The following FERMT2 variants were observed in gnomAD, a reference collection of about 807,000 sequenced individuals.
The protein encoded by FERMT2 is fermitin family homolog 2.
A neutral mutation model predicts 82.7 loss-of-function variants in FERMT2; 15 were observed. That is an observed-to-expected ratio of 0.18 (90% CI 0.12 to 0.28). The LOEUF (loss-of-function observed/expected upper bound fraction) is 0.28. FERMT2 is among the 10% of genes least tolerant of loss of function. The probability of loss-of-function intolerance (pLI) is 1.00; values close to 1 mark genes in which losing one functional copy is unlikely to be tolerated. For synonymous variants in FERMT2, 274 were observed against 271.5 expected, an observed-to-expected ratio of 1.01 and a Z score of -0.09; for missense variants, 645 against 809.4, an observed-to-expected ratio of 0.80 and a Z score of 2.46.
At chr14:52,896,891 G>A (rs1887286866) in intron 3 of FERMT2, among the ~76,000 whole-genome samples, 1 of 151,790 alleles carries the variant, frequency 6.6e-6, no homozygotes, top group South Asian at 2.1e-4. Flanking sequence ...AGCTACTCAG[G>A]AGGCTGAGGT....
intron 3 of FERMT2, among the ~76,000 whole-genome samples, chr14:52,907,013 TA>T (rs59646316): frequency 0.018 from 2,577 of 139,340 alleles, 77 homozygotes; most frequent in African/African-American, 0.064. Flanking sequence ...AAGGCAAAAT[TA>T]AAAAAAAAAT....
chr14:52,881,035 C>T lies in FERMT2; in HGVS notation c.855+1G>A. On this transcript the variant is annotated splice_donor_variant, in intron 6 of 14. Transcript: ENST00000341590. LOFTEE classifies it high-confidence loss of function. ...AAAAGATCCCTTTAAACCCTCGGTA[C>T]CTTTGGATTCAAATCAAAAAAGCTG... is the stretch of plus-strand genomic sequence containing the variant. 1.3e-6 allele frequency: 2 copies of T among 1,595,468 alleles called. No individual in the cohort carries two copies. The highest frequency in any genetic ancestry group is 1.7e-6 in the Non-Finnish European group (2 of 1,166,198).
At chr14:52,912,778 G>C (rs1003211509) in intron 3 of FERMT2, among the ~76,000 whole-genome samples, 1 of 152,104 alleles carries the variant, frequency 6.6e-6, no homozygotes, top group Non-Finnish European at 1.5e-5. Context: ...CCAAAGCGCT[G>C]GGATTACAGG....
chr14:52,912,937 CA>C (rs1277786645), intron 3 of FERMT2, among the ~76,000 whole-genome samples: 1 of 151,976 alleles, frequency 6.6e-6, no homozygotes, highest in Non-Finnish European at 1.5e-5. Flanking sequence ...GCTGAGAATA[CA>C]AAGATGGAAA....
chr14:52,921,754 A>C (rs1285626751), intron 2 of FERMT2, among the ~76,000 whole-genome samples: 1 of 152,226 alleles, frequency 6.6e-6, no homozygotes, highest in Non-Finnish European at 1.5e-5. Flanking sequence ...GGGGAAAAAA[A>C]AAAGTTTTAG....
chr14:52,947,943 C>T (rs1306793221), intron 2 of FERMT2, among the ~76,000 whole-genome samples: 1 of 152,168 alleles, frequency 6.6e-6, no homozygotes, highest in Non-Finnish European at 1.5e-5. Flanking sequence ...AAATATAATG[C>T]TTTTGGTATT....
At chr14:52,904,646 T>C (rs983272115) in intron 3 of FERMT2, among the ~76,000 whole-genome samples, 1 of 150,980 alleles carries the variant, frequency 6.6e-6, no homozygotes, top group Admixed American at 6.6e-5. Context: ...TGAGCCGAGA[T>C]TGCACCACTG....
At chr14:52,909,878 C>A (rs1217076329) in intron 3 of FERMT2, among the ~76,000 whole-genome samples, 1 of 151,904 alleles carries the variant, frequency 6.6e-6, no homozygotes, top group Non-Finnish European at 1.5e-5. Flanking sequence ...CATGGTGAAA[C>A]CCTGTCTCTA....
Position 52,893,219 on chromosome 14 carries a change from A to G in FERMT2, c.526+74T>C, listed in dbSNP as rs1594957198. On this transcript the variant is annotated intron_variant, in intron 4 of 14. Transcript: ENST00000341590. ...TCTTCCTGACCTACATGATCCATTT[A>G]CCCACCACCAGAAAGACAAAGGTAC... 12 of 1,354,562 alleles carry G rather than the reference A, an allele frequency of 8.9e-6. No homozygotes were observed. The East Asian group carries it at 3.1e-4, about 35-fold the overall frequency. The allele number at this position is 1,354,562 out of a possible 1,614,324, so 83.9% of individuals were successfully genotyped here. A position where few individuals can be genotyped will look rare whatever the true frequency, so the allele number is the denominator to read the frequency against.
chr14:52,871,227 A>G (rs2140087011), intron 10 of FERMT2, among the ~76,000 whole-genome samples: 1 of 152,278 alleles, frequency 6.6e-6, no homozygotes, highest in East Asian at 1.9e-4. Context: ...CTGGAATCTA[A>G]GTCTCATTGG....
chr14:52,949,487 T>A (rs1890514873), intron 2 of FERMT2, among the ~76,000 whole-genome samples: 1 of 145,314 alleles, frequency 6.9e-6, no homozygotes, highest in Non-Finnish European at 1.5e-5. Context: ...GCCACACAGA[T>A]AATCATCTTA....
intron 2 of FERMT2, among the ~76,000 whole-genome samples, chr14:52,939,215 A>G (rs1271737165): frequency 7.1e-6 from 1 of 141,116 alleles, no homozygotes; most frequent in Non-Finnish European, 1.6e-5. Flanking sequence ...AAAAAAAAAA[A>G]TACAACAAAT....
intron 3 of FERMT2, among the ~76,000 whole-genome samples, chr14:52,904,732 T>A: frequency 1.5e-5 from 2 of 134,162 alleles, no homozygotes; most frequent in African/African-American, 2.8e-5. Flanking sequence ...GCCTGGGAAA[T>A]ATGATGAGAC....
chr14:52,862,239 AT>A (rs1411596215), intron 12 of FERMT2: 2 of 152,004 alleles, frequency 1.3e-5, no homozygotes, highest in East Asian at 3.9e-4. Flanking sequence ...TAATTTTTGT[AT>A]TTTTAGTAGA....
At chr14:52,894,057 A>C (rs1439094892) in intron 3 of FERMT2, among the ~76,000 whole-genome samples, 1 of 152,096 alleles carries the variant, frequency 6.6e-6, no homozygotes, top group African/African-American at 2.4e-5. Flanking sequence ...TGAACTCCTG[A>C]CCTCAGGTGA....
intron 3 of FERMT2, among the ~76,000 whole-genome samples, chr14:52,897,868 C>A (rs1887380259): frequency 6.8e-6 from 1 of 147,774 alleles, no homozygotes; most frequent in African/African-American, 2.5e-5. Flanking sequence ...TCCAGCTACT[C>A]GGGAGGCTGA....
At chr14:52,896,588 T>C (rs1463449649) in intron 3 of FERMT2, among the ~76,000 whole-genome samples, 2 of 152,178 alleles carry the variant, frequency 1.3e-5, no homozygotes, top group Non-Finnish European at 2.9e-5. Flanking sequence ...AGTTTCCTTA[T>C]CTAAAATGAC....
chr14:52,925,535 G>A (rs1342955594), intron 2 of FERMT2, among the ~76,000 whole-genome samples: 2 of 147,706 alleles, frequency 1.4e-5, no homozygotes, highest in Admixed American at 1.3e-4. Flanking sequence ...CTCCAGCCTG[G>A]GCAACACAGC....
At chr14:52,949,259 T>G (rs1410739846) in intron 2 of FERMT2, among the ~76,000 whole-genome samples, 1 of 151,946 alleles carries the variant, frequency 6.6e-6, no homozygotes, top group Non-Finnish European at 1.5e-5. Context: ...TTTTGCAAAA[T>G]GCATCAGAGT....
Sources: gnomAD v4.1 joint callset for allele counts (sites outside exome capture counted in the v4.1 genomes callset) on GRCh38, gnomAD v4.1.1 for gene constraint, MANE v1.5 for transcripts, NCBI Gene and HGNC (gene_info 2026-07-23, HGNC 2026-07-21) for gene names.